The following CDH2 variants were observed in gnomAD, a reference collection of about 807,000 sequenced individuals.
CDH2 encodes cadherin-2.
Under a neutral mutation model 92.0 loss-of-function variants are expected in CDH2, and 17 were observed. The ratio of observed to expected loss-of-function variants is 0.18; its 90% confidence interval spans 0.13 to 0.28. The LOEUF (loss-of-function observed/expected upper bound fraction) is 0.28. Ranked by LOEUF, CDH2 falls within the 10% of genes least tolerant of loss-of-function variation. The probability of loss-of-function intolerance (pLI) is 1.00; values close to 1 mark genes in which losing one functional copy is unlikely to be tolerated. For missense variants in CDH2, 862 were observed against 1,133.1 expected (o/e 0.76, Z 3.44); for synonymous variants, 419 against 415.9 (o/e 1.01, Z -0.09).
rs577395427 is a variant in CDH2, at chr18:28,115,222, GAA to G, written c.172+32449_172+32450del. Among the ~76,000 whole-genome samples the G allele has an allele frequency of 1.9e-3, 285 of 152,212 alleles. 2 individuals are homozygous for G. The highest frequency in any genetic ancestry group is 6.8e-3 in the Middle Eastern group (2 of 294). ...AGGTGTTGAGGCTGCAGCTTTTTATGAAAGAGATTCCTGACAAAGATTCCTCT... is the reference window on the plus strand; with the variant it reads ...AGGTGTTGAGGCTGCAGCTTTTTATGAGAGATTCCTGACAAAGATTCCTCT... On this transcript the variant is annotated intron_variant, in intron 2 of 15. Transcript: ENST00000269141.
chr18:28,103,251 A>ATATAAAAACTCCTTTATATATATATAAAG (rs1166103528), intron 2 of CDH2, among the ~76,000 whole-genome samples: 2 of 145,648 alleles, frequency 1.4e-5, no homozygotes, highest in Non-Finnish European at 3.0e-5. Context: ...TATAAAGTAT[A>ATATAAAAACTCCTTTATATATATATAAAG]TATATAAAAA....
In CDH2 at chr18:28,005,918, T is replaced by A. The variant is rs1409622589; in HGVS notation, c.778A>T (p.Met260Leu). Residue 260 changes from methionine to leucine, a missense_variant, in exon 6 of 16, where the codon ATG becomes TTG. Physicochemically the swap from Met to Leu is conservative, Grantham distance 15 (BLOSUM62 2). Around this residue, in one of 5 missense-constraint regions of CDH2, gnomAD observed 564 missense variants for 722.2 expected, o/e 0.78. Coordinates refer to ENST00000269141, the MANE Select transcript of CDH2 (RefSeq NM_001792.5). Reference sequence around the variant, plus strand: ...AAGAACTCAGGTCTGTTGTCATTCATGTCAATAACATTGATGACAATGTCA... The same window carrying A: ...AAGAACTCAGGTCTGTTGTCATTCAAGTCAATAACATTGATGACAATGTCA... Reference protein sequence around the residue: ...PIDIVINVIDMNDNRPEFLHQ... With the variant: ...PIDIVINVIDLNDNRPEFLHQ... The A allele has an allele frequency of 6.2e-7, 1 of 1,611,658 alleles. No homozygotes were observed. Among genetic ancestry groups the A allele is most frequent in the Non-Finnish European group, 8.5e-7 (1 of 1,177,752 alleles).
intron 2 of CDH2, among the ~76,000 whole-genome samples, chr18:28,035,876 G>A (rs1454878034): frequency 6.6e-6 from 1 of 151,958 alleles, no homozygotes; most frequent in African/African-American, 2.4e-5. Flanking sequence ...TCACCAGCAA[G>A]GAAGACACAC....
intron 2 of CDH2, among the ~76,000 whole-genome samples, chr18:28,083,704 G>A (rs1465875828): frequency 6.6e-6 from 1 of 152,102 alleles, no homozygotes; most frequent in Non-Finnish European, 1.5e-5. Flanking sequence ...ATCATAAAAG[G>A]TATGATGGAT....
At chr18:28,054,240 A>C (rs1185638991) in intron 2 of CDH2, among the ~76,000 whole-genome samples, 1 of 152,106 alleles carries the variant, frequency 6.6e-6, no homozygotes, top group Non-Finnish European at 1.5e-5. Flanking sequence ...AGAACCATGG[A>C]CTCAGAAGCT....
chr18:28,105,573 TA>T lies in CDH2; in HGVS notation c.172+42099del, dbSNP rs761413850. The stretch of plus-strand genomic sequence containing the variant: ...CAGAACATATCAATTATACATAAAT[TA>T]AAAAATTATTATTATTTTTTCTCCA... On this transcript the variant is annotated intron_variant, in intron 2 of 15. Coordinates refer to ENST00000269141, the MANE Select transcript of CDH2 (RefSeq NM_001792.5). Among the ~76,000 whole-genome samples, 7 of 152,268 alleles carry T rather than the reference TA, an allele frequency of 4.6e-5. No homozygotes were observed. The East Asian group carries it at 7.7e-4, about 17-fold the overall frequency.
At chr18:28,068,279 A>T (rs1394930201) in intron 2 of CDH2, among the ~76,000 whole-genome samples, 1 of 152,236 alleles carries the variant, frequency 6.6e-6, no homozygotes, top group Non-Finnish European at 1.5e-5. Flanking sequence ...AAGAAGAAAT[A>T]AAAATGTCAG....
chr18:27,979,316 G>GA (rs1240916548), intron 14 of CDH2, among the ~76,000 whole-genome samples: 1 of 152,084 alleles, frequency 6.6e-6, no homozygotes, highest in Non-Finnish European at 1.5e-5. Flanking sequence ...TTAAAAGACT[G>GA]AAAAAAATCC....
chr18:28,097,683 T>G (rs900213740), intron 2 of CDH2, among the ~76,000 whole-genome samples: 2 of 152,204 alleles, frequency 1.3e-5, no homozygotes, highest in South Asian at 2.1e-4. Context: ...TACTATGCCA[T>G]TTTTTATCAG....
chr18:28,071,564 C>G (rs2014618607), intron 2 of CDH2, among the ~76,000 whole-genome samples: 1 of 152,120 alleles, frequency 6.6e-6, no homozygotes, highest in South Asian at 2.1e-4. Flanking sequence ...TTCTCATCTC[C>G]CCATTAGCCA....
intron 2 of CDH2, among the ~76,000 whole-genome samples, chr18:28,087,255 C>T (rs2014950083): frequency 6.6e-6 from 1 of 152,186 alleles, no homozygotes; most frequent in Non-Finnish European, 1.5e-5. Flanking sequence ...GGCTGTGCAT[C>T]TGTGTGAAGA....
chr18:27,990,774 T>C (rs183911896), intron 9 of CDH2, among the ~76,000 whole-genome samples: 20 of 152,334 alleles, frequency 1.3e-4, no homozygotes, highest in African/African-American at 4.3e-4. Flanking sequence ...CACCAGTCTA[T>C]GATGAATTGA....
intron 2 of CDH2, among the ~76,000 whole-genome samples, chr18:28,049,079 T>C: frequency 6.6e-6 from 1 of 151,878 alleles, no homozygotes; most frequent in Non-Finnish European, 1.5e-5. Flanking sequence ...GAATACACAG[T>C]GATTTTATTT....
intron 2 of CDH2, among the ~76,000 whole-genome samples, chr18:28,071,985 G>A (rs1009286464): frequency 1.3e-5 from 2 of 152,058 alleles, no homozygotes; most frequent in East Asian, 1.9e-4. Flanking sequence ...CTCTTGATAA[G>A]GTCACCAATG....
At chr18:28,046,853 C>T (rs1405175710) in intron 2 of CDH2, among the ~76,000 whole-genome samples, 1 of 152,070 alleles carries the variant, frequency 6.6e-6, no homozygotes, top group Non-Finnish European at 1.5e-5. Flanking sequence ...CACTGATGTT[C>T]AATTGGAGTA....
intron 2 of CDH2, among the ~76,000 whole-genome samples, chr18:28,141,881 T>C (rs1344409979): frequency 1.3e-5 from 2 of 151,992 alleles, no homozygotes; most frequent in East Asian, 3.9e-4. Context: ...CTCCCCTTAA[T>C]ATGTAAGGCC....
At chr18:28,074,320 A>G (rs2144174618) in intron 2 of CDH2, among the ~76,000 whole-genome samples, 1 of 152,340 alleles carries the variant, frequency 6.6e-6, no homozygotes, top group East Asian at 1.9e-4. Flanking sequence ...TGAAGCCACC[A>G]GCATAACTGT....
chr18:28,170,919 G>C (rs2016454595), intron 1 of CDH2, among the ~76,000 whole-genome samples: 1 of 139,554 alleles, frequency 7.2e-6, no homozygotes, highest in African/African-American at 2.5e-5. Context: ...ATGCATACCT[G>C]TACCAAAAAA....
intron 1 of CDH2, among the ~76,000 whole-genome samples, chr18:28,155,699 T>C (rs978646403): frequency 6.6e-6 from 1 of 152,192 alleles, no homozygotes; most frequent in Non-Finnish European, 1.5e-5. Flanking sequence ...CGTCGTTAGT[T>C]GAGTACATGG....
Sources: allele counts gnomAD v4.1 joint callset (sites outside exome capture counted in the v4.1 genomes callset), GRCh38; gene constraint gnomAD v4.1.1; regional missense constraint gnomAD v4.1.1; transcripts MANE v1.5; gene names NCBI Gene and HGNC (gene_info 2026-07-23, HGNC 2026-07-21).